CAMKMT: variants seen among roughly 807,000 people sequenced by gnomAD.
CAMKMT encodes CaM KMT.
CAMKMT carries 53 observed loss-of-function variants against 48.0 expected under a neutral mutation model. The ratio of observed to expected loss-of-function variants is 1.10; its 90% confidence interval spans 0.89 to 1.39. The LOEUF (loss-of-function observed/expected upper bound fraction) is 1.39, where lower values mean the gene tolerates loss of function less well. Ranked by LOEUF, CAMKMT falls within the 40% of genes most tolerant of loss-of-function variation. The pLI is 0.00. For missense variants in CAMKMT, 428 were observed against 402.7 expected (o/e 1.06, Z -0.54); for synonymous variants, 165 against 152.3 (o/e 1.08, Z -0.61).
intron 3 of CAMKMT, among the ~76,000 whole-genome samples, chr2:44,573,038 A>G (rs1174119608): frequency 6.6e-6 from 1 of 151,468 alleles, no homozygotes; most frequent in Non-Finnish European, 1.5e-5. Flanking sequence ...TGCTGCTATT[A>G]CTGTTAGTAA....
intron 3 of CAMKMT, among the ~76,000 whole-genome samples, chr2:44,590,995 A>G (rs1670229733): frequency 6.6e-6 from 1 of 152,070 alleles, no homozygotes; most frequent in East Asian, 1.9e-4. Context: ...TCCCAGCACC[A>G]TTTATTAAAT....
chr2:44,705,433 T>A (rs186927), intron 4 of CAMKMT: 195 of 985,164 alleles, frequency 2.0e-4, no homozygotes, highest in Non-Finnish European at 2.2e-4. Flanking sequence ...CTGGCATTTG[T>A]TCATCTCGCT....
chr2:44,755,865 C>G (rs1680352931), intron 9 of CAMKMT, among the ~76,000 whole-genome samples: 1 of 152,118 alleles, frequency 6.6e-6, no homozygotes. Context: ...GGAGGTGGCA[C>G]TTACTCCTGC....
At chr2:44,363,339 C>G (rs896403536) in intron 1 of CAMKMT, among the ~76,000 whole-genome samples, 2 of 152,048 alleles carry the variant, frequency 1.3e-5, no homozygotes, top group African/African-American at 4.8e-5. Context: ...GAAATGAGAT[C>G]TGGCGTGAGC....
intron 7 of CAMKMT, among the ~76,000 whole-genome samples, chr2:44,741,943 G>T (rs149349911): frequency 6.6e-6 from 1 of 152,024 alleles, no homozygotes; most frequent in Non-Finnish European, 1.5e-5. Flanking sequence ...TTTATGGAAT[G>T]GTAAGATTAT....
At chr2:44,640,077 C>A (rs984357684) in intron 3 of CAMKMT, among the ~76,000 whole-genome samples, 2 of 152,078 alleles carry the variant, frequency 1.3e-5, no homozygotes, top group Non-Finnish European at 2.9e-5. Context: ...TATCCTTGCA[C>A]TTAATATCTG....
chr2:44,443,139 A>G (rs1177882584), intron 3 of CAMKMT, among the ~76,000 whole-genome samples: 1 of 152,198 alleles, frequency 6.6e-6, no homozygotes, highest in Non-Finnish European at 1.5e-5. Flanking sequence ...TTTCACATCA[A>G]AATCTAAAGT....
intron 3 of CAMKMT, among the ~76,000 whole-genome samples, chr2:44,529,300 A>C (rs985744780): frequency 6.6e-6 from 1 of 152,236 alleles, no homozygotes; most frequent in Non-Finnish European, 1.5e-5. Context: ...GAAAATCACC[A>C]TAAAATTTAA....
intron 3 of CAMKMT, among the ~76,000 whole-genome samples, chr2:44,522,062 G>A (rs1671144549): frequency 6.7e-6 from 1 of 149,746 alleles, no homozygotes; most frequent in African/African-American, 2.5e-5. Context: ...GGAGTGCAGT[G>A]GCACAATCTC....
intron 3 of CAMKMT, among the ~76,000 whole-genome samples, chr2:44,491,344 C>G (rs868423817): frequency 6.6e-5 from 10 of 152,014 alleles, no homozygotes; most frequent in Non-Finnish European, 1.2e-4. Flanking sequence ...GAAAGTTGTT[C>G]TGCTTTTAAT....
chr2:44,639,036 A>G (rs771677514), intron 3 of CAMKMT, among the ~76,000 whole-genome samples: 6 of 152,238 alleles, frequency 3.9e-5, no homozygotes, highest in Non-Finnish European at 8.8e-5. Context: ...CCTGAGTTAC[A>G]TCGATTTCCT....
chr2:44,384,434 T>C (rs1680565754), intron 2 of CAMKMT, among the ~76,000 whole-genome samples: 1 of 152,072 alleles, frequency 6.6e-6, no homozygotes. Flanking sequence ...GTTGTCTGTT[T>C]ACTCTGCTGA....
Position 44,510,347 on chromosome 2 carries a change from A to G in CAMKMT, c.376+120042A>G, listed in dbSNP as rs572456609. Among the ~76,000 whole-genome samples, 17 of 152,276 alleles carry G rather than the reference A, an allele frequency of 1.1e-4. No individual in the cohort carries two copies. In the South Asian group the frequency reaches 3.5e-3, roughly 32 times the overall value. ...ATTTGAGTTCATCTGATGTCTTCTC[A>G]TGATTACATTGAGATTTTAAAGTTT... On this transcript the variant is annotated intron_variant, in intron 3 of 10. Transcript: ENST00000378494.
At chr2:44,438,069 T>C (rs1001945161) in intron 3 of CAMKMT, among the ~76,000 whole-genome samples, 2 of 152,134 alleles carry the variant, frequency 1.3e-5, no homozygotes, top group African/African-American at 4.8e-5. Context: ...CAGTAACTCT[T>C]TGAGAAAGGT....
chr2:44,654,041 C>A (rs1184410164), intron 3 of CAMKMT, among the ~76,000 whole-genome samples: 3 of 152,170 alleles, frequency 2.0e-5, no homozygotes, highest in Non-Finnish European at 4.4e-5. Context: ...CCATGAGTTA[C>A]AATGAACTTA....
At chr2:44,692,577 A>G (rs1201277514) in intron 3 of CAMKMT, among the ~76,000 whole-genome samples, 1 of 152,246 alleles carries the variant, frequency 6.6e-6, no homozygotes, top group Non-Finnish European at 1.5e-5. Flanking sequence ...CTCAGCTTCT[A>G]GAACAGGCCT....
chr2:44,753,227 A>G (rs1284190883), intron 8 of CAMKMT, among the ~76,000 whole-genome samples: 3 of 149,094 alleles, frequency 2.0e-5, no homozygotes, highest in Non-Finnish European at 3.0e-5. Flanking sequence ...AGCCCTGGCA[A>G]CAGAGTGAGA....
chr2:44,767,462 T>C (rs1680889806), intron 10 of CAMKMT, among the ~76,000 whole-genome samples: 1 of 152,226 alleles, frequency 6.6e-6, no homozygotes, highest in Non-Finnish European at 1.5e-5. Context: ...AGAAGTGTGT[T>C]GGCTTTTGGA....
intron 3 of CAMKMT, among the ~76,000 whole-genome samples, chr2:44,548,925 C>G (rs892423784): frequency 5.3e-5 from 8 of 152,140 alleles, no homozygotes; most frequent in African/African-American, 1.9e-4. Context: ...AAAACTCAAC[C>G]ATGCCATACC....
Sources: gnomAD v4.1 joint callset for allele counts (sites outside exome capture counted in the v4.1 genomes callset) on GRCh38, gnomAD v4.1.1 for gene constraint, MANE v1.5 for transcripts, NCBI Gene and HGNC (gene_info 2026-07-23, HGNC 2026-07-21) for gene names.